ANKS1B: variants seen among roughly 807,000 people sequenced by gnomAD.
ANKS1B encodes ankyrin repeat and sterile alpha motif domain-containing protein 1B.
ANKS1B carries 36 observed loss-of-function variants against 148.3 expected under a neutral mutation model. The observed-to-expected ratio is 0.24, with a 90% confidence interval of 0.19 to 0.32. The LOEUF (loss-of-function observed/expected upper bound fraction) is 0.32. Among genes scored for constraint, ANKS1B ranks in the 10% least tolerant of loss-of-function variants. The pLI is 1.00. For synonymous variants in ANKS1B, 542 were observed against 560.8 expected (o/e 0.97, Z 0.47); for missense variants, 1,157 against 1,542.6 (o/e 0.75, Z 4.19).
intron 15 of ANKS1B, among the ~76,000 whole-genome samples, chr12:99,129,137 T>G (rs980753489): frequency 6.6e-6 from 1 of 152,130 alleles, no homozygotes; most frequent in African/African-American, 2.4e-5. Context: ...CATTCAGCAA[T>G]GGCAGAGCAT....
At position 99,929,583 on chromosome 12, in the gene ANKS1B, T is replaced by C. The variant is rs1365113410; in HGVS notation, c.134+54521A>G. Reference sequence around the variant, plus strand: ...ATGAAGTCCTTGCCCATGCCTATGTTCTGAATGGTATTGCCTAGGTTTTCT... The same window carrying C: ...ATGAAGTCCTTGCCCATGCCTATGTCCTGAATGGTATTGCCTAGGTTTTCT... On this transcript the variant is annotated intron_variant, in intron 1 of 26. Transcript: ENST00000683438. Among the ~76,000 whole-genome samples, 43 of 152,164 alleles carry C rather than the reference T, an allele frequency of 2.8e-4. 1 individual carries two copies. Among genetic ancestry groups the C allele is most frequent in the Non-Finnish European group, 4.1e-4 (28 of 67,982 alleles).
At chr12:98,852,483 C>T (rs2099534899) in intron 17 of ANKS1B, among the ~76,000 whole-genome samples, 1 of 152,070 alleles carries the variant, frequency 6.6e-6, no homozygotes, top group South Asian at 2.1e-4. Flanking sequence ...GAACATGAGG[C>T]TCTGGGAGTA....
intron 15 of ANKS1B, among the ~76,000 whole-genome samples, chr12:99,130,953 T>G (rs1340317903): frequency 5.3e-5 from 8 of 152,198 alleles, no homozygotes; most frequent in African/African-American, 1.9e-4. Flanking sequence ...ACCACTTCTG[T>G]GACATCATCC....
chr12:99,614,524 T>C (rs2097932898), intron 9 of ANKS1B, among the ~76,000 whole-genome samples: 1 of 151,016 alleles, frequency 6.6e-6, no homozygotes, highest in South Asian at 2.1e-4. Flanking sequence ...TAGGAGTTAA[T>C]GTAGGTCCTG....
intron 17 of ANKS1B, among the ~76,000 whole-genome samples, chr12:98,975,784 C>T (rs1375913503): frequency 6.6e-6 from 1 of 151,978 alleles, no homozygotes; most frequent in Non-Finnish European, 1.5e-5. Flanking sequence ...CACACACCTG[C>T]AGTGAGAGAG....
intron 19 of ANKS1B, among the ~76,000 whole-genome samples, chr12:98,808,572 C>G (rs1252348084): frequency 2.6e-5 from 4 of 152,020 alleles, no homozygotes; most frequent in African/African-American, 9.7e-5. Context: ...CAAGCAGAAA[C>G]CCTTGGGAAC....
At chr12:99,630,888 C>T (rs900138270) in intron 9 of ANKS1B, among the ~76,000 whole-genome samples, 1 of 152,150 alleles carries the variant, frequency 6.6e-6, no homozygotes, top group Non-Finnish European at 1.5e-5. Flanking sequence ...ATTGTAGTTC[C>T]TACAATTCCC....
chr12:98,745,934 G>A (rs1247088895), intron 26 of ANKS1B, 85 bp from the exon 27 acceptor site: 3 of 1,440,260 alleles, frequency 2.1e-6, no homozygotes, highest in Admixed American at 2.4e-5. Flanking sequence ...GAACCCACGC[G>A]AGGCCCCTCG....
chr12:99,324,262 A>T (rs553783916), intron 12 of ANKS1B, among the ~76,000 whole-genome samples: 1 of 152,282 alleles, frequency 6.6e-6, no homozygotes, highest in East Asian at 1.9e-4. Context: ...GTATTTACTC[A>T]TATAATCTTC....
chr12:99,315,193 T>C (rs2083831388), intron 12 of ANKS1B, among the ~76,000 whole-genome samples: 2 of 151,372 alleles, frequency 1.3e-5, no homozygotes, highest in African/African-American at 4.9e-5. Context: ...TGAGCCGAGA[T>C]TGTGCCACTG....
intron 12 of ANKS1B, among the ~76,000 whole-genome samples, chr12:99,318,820 T>C (rs2084670932): frequency 6.6e-6 from 1 of 152,176 alleles, no homozygotes; most frequent in African/African-American, 2.4e-5. Flanking sequence ...TGCTATAAAT[T>C]TCCCTCTACA....
chr12:99,235,741 T>A (rs1160004027), intron 14 of ANKS1B, among the ~76,000 whole-genome samples: 4 of 152,206 alleles, frequency 2.6e-5, no homozygotes, highest in Non-Finnish European at 5.9e-5. Flanking sequence ...AATGCAAACC[T>A]GTATTTCAGA....
intron 22 of ANKS1B, chr12:98,794,904 G>A (rs1593918079): frequency 2.6e-6 from 4 of 1,514,386 alleles, no homozygotes; most frequent in African/African-American, 2.7e-5. Context: ...CAGGCAAAGG[G>A]AAGCAGTTGG....
At chr12:99,086,956 T>C (rs575867775) in intron 15 of ANKS1B, among the ~76,000 whole-genome samples, 116 of 152,282 alleles carry the variant, frequency 7.6e-4, no homozygotes, top group Non-Finnish European at 1.2e-3. Context: ...ACCACTGTGG[T>C]TGTTTTCTAG....
intron 17 of ANKS1B, among the ~76,000 whole-genome samples, chr12:98,832,998 T>C (rs181127567): frequency 9.2e-5 from 14 of 152,254 alleles, no homozygotes; most frequent in African/African-American, 3.1e-4. Flanking sequence ...TGCATAAGGA[T>C]ACAGTTAGAA....
At chr12:99,095,787 T>C (rs77489470) in intron 15 of ANKS1B, among the ~76,000 whole-genome samples, 1,850 of 152,280 alleles carry the variant, frequency 0.012, 21 homozygotes, top group Non-Finnish European at 0.017. Context: ...ATGAAAGTTA[T>C]CAGATCCAAG....
At chr12:99,873,978 G>A (rs2091817583) in intron 1 of ANKS1B, among the ~76,000 whole-genome samples, 1 of 148,910 alleles carries the variant, frequency 6.7e-6, no homozygotes. Context: ...AATCTTGTGT[G>A]CCAATTCCTT....
At chr12:99,002,524 G>A (rs995626442) in intron 17 of ANKS1B, among the ~76,000 whole-genome samples, 1 of 142,500 alleles carries the variant, frequency 7.0e-6, no homozygotes, top group African/African-American at 2.7e-5. Flanking sequence ...TTGGCTTTTT[G>A]ATAGCCATCC....
chr12:98,842,473 T>C (rs1307189006), intron 17 of ANKS1B, among the ~76,000 whole-genome samples: 1 of 152,212 alleles, frequency 6.6e-6, no homozygotes, highest in Non-Finnish European at 1.5e-5. Flanking sequence ...TTTAGGGTTA[T>C]GGAAATGTTC....
Sources: gnomAD v4.1 joint callset for allele counts (sites outside exome capture counted in the v4.1 genomes callset) on GRCh38, gnomAD v4.1.1 for gene constraint, MANE v1.5 for transcripts, NCBI Gene and HGNC (gene_info 2026-07-23, HGNC 2026-07-21) for gene names.